TEKT1: variants seen among roughly 807,000 people sequenced by gnomAD.
The protein encoded by TEKT1 is tektin-1.
A neutral mutation model predicts 34.8 loss-of-function variants in TEKT1; 32 were observed. The ratio of observed to expected loss-of-function variants is 0.92; its 90% CI spans 0.69 to 1.23. The LOEUF (loss-of-function observed/expected upper bound fraction) is 1.23, where lower values mean the gene tolerates loss of function less well. TEKT1 is among the 50% of genes most tolerant of loss of function. TEKT1 has a pLI of 0.00. For missense variants in TEKT1, 492 were observed against 518.5 expected (o/e 0.95, Z 0.50); for synonymous variants, 207 against 199.8 (o/e 1.04, Z -0.30).
At chr17:6,809,429 G>C (rs182211240) in intron 6 of TEKT1, among the ~76,000 whole-genome samples, 1 of 151,950 alleles carries the variant, frequency 6.6e-6, no homozygotes, top group African/African-American at 2.4e-5. Context: ...ACAGGGTTTC[G>C]CTGTGTTGGC....
Position 6,800,795 on chromosome 17 carries a change from T to C in TEKT1, c.1001A>G (p.Gln334Arg). 2.5e-6 allele frequency: 4 copies of C among 1,614,174 alleles called. No homozygotes were observed. Among genetic ancestry groups the C allele is most frequent in the Non-Finnish European group, 3.4e-6 (4 of 1,180,028 alleles). Residue 334 changes from glutamine (Q) to arginine (R), a missense_variant, in exon 7 of 8, where the codon CAA (glutamine) becomes CGA (arginine). By Grantham distance (43) the Gln-to-Arg change is conservative. Transcript: ENST00000338694. Reference protein sequence around the residue: ...PNVELCRDVAQYRLMKEVQEI... With the variant: ...PNVELCRDVARYRLMKEVQEI... The stretch of plus-strand genomic sequence containing the variant: ...TTGAACCTCCTTCATTAGCCTATAT[T>C]GTGCGACATCACGACACAGCTCCAC...
chr17:6,805,939 T>G (rs949910476), intron 6 of TEKT1, among the ~76,000 whole-genome samples: 7 of 152,202 alleles, frequency 4.6e-5, no homozygotes, highest in Non-Finnish European at 1.0e-4. Context: ...AGAATGTATA[T>G]TCTGTTGATT....
At chr17:6,804,054 A>T (rs200365744) in intron 6 of TEKT1, among the ~76,000 whole-genome samples, 30 of 150,686 alleles carry the variant, frequency 2.0e-4, no homozygotes, top group African/African-American at 3.7e-4. Flanking sequence ...CTTGGGCAGT[A>T]TGGCCATTTT....
chr17:6,826,616 G>GAAGA (rs1904400834), intron 2 of TEKT1, among the ~76,000 whole-genome samples: 1 of 119,564 alleles, frequency 8.4e-6, no homozygotes, highest in Non-Finnish European at 1.7e-5. Context: ...ACTTAGATTT[G>GAAGA]CAGATAGATA....
chr17:6,826,840 C>T (rs1904418340), intron 2 of TEKT1, among the ~76,000 whole-genome samples: 2 of 151,842 alleles, frequency 1.3e-5, no homozygotes, highest in African/African-American at 2.4e-5. Flanking sequence ...GGACTACAGG[C>T]ACCCGCCACC....
At chr17:6,827,087 CAGAT>C (rs1229806948) in intron 2 of TEKT1, among the ~76,000 whole-genome samples, 3 of 152,098 alleles carry the variant, frequency 2.0e-5, no homozygotes, top group African/African-American at 7.2e-5. Flanking sequence ...TTGTCATACT[CAGAT>C]GAATGAATGT....
intron 3 of TEKT1, among the ~76,000 whole-genome samples, chr17:6,817,106 T>C (rs577577771): frequency 6.3e-4 from 96 of 152,334 alleles, no homozygotes; most frequent in African/African-American, 2.2e-3. Context: ...GTGGGCGCAG[T>C]GACTCACGCC....
At chr17:6,826,648 A>ATAGC (rs1904404980) in intron 2 of TEKT1, among the ~76,000 whole-genome samples, 1 of 151,714 alleles carries the variant, frequency 6.6e-6, no homozygotes, top group African/African-American at 2.4e-5. Context: ...AGATAGATAG[A>ATAGC]TAGATAGATA....
chr17:6,803,036 T>A (rs1040173416), intron 6 of TEKT1, among the ~76,000 whole-genome samples: 9 of 152,132 alleles, frequency 5.9e-5, no homozygotes, highest in Non-Finnish European at 1.2e-4. Context: ...ATCGCCACAC[T>A]GACTTCCACA....
In TEKT1 at chr17:6,819,372, G is replaced by A; in HGVS notation, c.191-14C>T. ...CGAGTCTCTGTTCTGAAGCACACGG[G>A]GAAGTTACACCAGGGCTAATCTATC... On this transcript the variant is annotated splice_polypyrimidine_tract_variant and intron_variant, in intron 2 of 7. Coordinates refer to ENST00000338694, the MANE Select transcript of TEKT1 (RefSeq NM_053285.2). 1 of 1,606,894 alleles carries A rather than the reference G, an allele frequency of 6.2e-7. No homozygotes were observed. Among genetic ancestry groups the A allele is most frequent in the Non-Finnish European group, 8.5e-7 (1 of 1,176,764 alleles).
At position 6,818,288 on chromosome 17, in the gene TEKT1, T is replaced by G. The variant is rs145277054; in HGVS notation, c.356+905A>C. On this transcript the variant is annotated intron_variant, in intron 3 of 7. Coordinates refer to ENST00000338694, the MANE Select transcript of TEKT1 (RefSeq NM_053285.2). ...TTGGAAAAGTTCACTCAACAGCCAG[T>G]GTGCAGGGTGCACTAGATTATAGGG... Among the ~76,000 whole-genome samples the G allele has an allele frequency of 5.0e-3, 768 of 152,298 alleles. 13 individuals are homozygous for G. The highest frequency in any genetic ancestry group is 0.016 in the African/African-American group (680 of 41,550).
At chr17:6,824,480 C>T (rs1357902011) in intron 2 of TEKT1, among the ~76,000 whole-genome samples, 1 of 152,194 alleles carries the variant, frequency 6.6e-6, no homozygotes, top group African/African-American at 2.4e-5. Flanking sequence ...AAATGTCCCA[C>T]TCATCCTGCC....
chr17:6,820,322 G>A (rs1977069555), intron 2 of TEKT1, among the ~76,000 whole-genome samples: 1 of 151,746 alleles, frequency 6.6e-6, no homozygotes, highest in African/African-American at 2.4e-5. Context: ...ATTAAAGGCA[G>A]ATTTATTAGT....
At chr17:6,822,917 T>C (rs1437523305) in intron 2 of TEKT1, among the ~76,000 whole-genome samples, 8 of 152,202 alleles carry the variant, frequency 5.3e-5, no homozygotes, top group African/African-American at 1.7e-4. Context: ...GAGTGATCAG[T>C]TGAGACCCTG....
At chr17:6,817,558 A>C (rs927035417) in intron 3 of TEKT1, among the ~76,000 whole-genome samples, 12 of 152,156 alleles carry the variant, frequency 7.9e-5, no homozygotes, top group Admixed American at 3.3e-4. Context: ...TTTCAGAGAG[A>C]CTAAGTGATC....
rs117538098 is a variant in TEKT1, at chr17:6,800,063, G to T, written c.1221C>A (p.Val407=). 22,255 of 1,612,026 alleles carry T rather than the reference G, an allele frequency of 0.014. 165 individuals are homozygous for T. The highest frequency in any genetic ancestry group is 0.016 in the Middle Eastern group (97 of 5,890). The part of the protein sequence containing the change: ...IPLRDGEDHG[V]WAGGLRPDAV... Reference sequence around the variant, plus strand: ...CATCAGGGCGGAGGCCCCCAGCCCAGACCCCATGGTCTTCCCCATCCCGAA... The same window carrying T: ...CATCAGGGCGGAGGCCCCCAGCCCATACCCCATGGTCTTCCCCATCCCGAA... Residue 407 remains valine (V), a synonymous_variant, in exon 8 of 8, where the codon GTC becomes GTA. Transcript: ENST00000338694.
intron 2 of TEKT1, among the ~76,000 whole-genome samples, chr17:6,829,607 C>T (rs1490083595): frequency 6.6e-6 from 1 of 151,628 alleles, no homozygotes; most frequent in Non-Finnish European, 1.5e-5. Context: ...CTCAGCCCTC[C>T]AAGTAGCTGG....
At position 6,830,221 on chromosome 17, in the gene TEKT1, T is replaced by C. The variant is rs1385105388; in HGVS notation, c.156A>G (p.Thr52=). The C allele has an allele frequency of 6.2e-7, 1 of 1,609,940 alleles. No homozygotes were observed. The highest frequency in any genetic ancestry group is 2.2e-5 in the East Asian group (1 of 44,848). Residue 52 remains threonine, a synonymous_variant, in exon 2 of 8, where the codon ACA becomes ACG. Coordinates refer to ENST00000338694, the MANE Select transcript of TEKT1 (RefSeq NM_053285.2). The part of the protein sequence containing the change: ...QRLVDEIEKT[T]RKSQSDVNKK... ...TGTTCACATCGCTTTGAGATTTTCT[T>C]GTGGTCTTTTCAATTTCATCCACAA...
chr17:6,808,893 G>C (rs1369953154), intron 6 of TEKT1, among the ~76,000 whole-genome samples: 1 of 152,080 alleles, frequency 6.6e-6, no homozygotes, highest in East Asian at 1.9e-4. Context: ...AACTACTACT[G>C]CTATGAGTGA....
Sources: gnomAD v4.1 joint callset for allele counts (sites outside exome capture counted in the v4.1 genomes callset) on GRCh38, gnomAD v4.1.1 for gene constraint, MANE v1.5 for transcripts, NCBI Gene and HGNC (gene_info 2026-07-23, HGNC 2026-07-21) for gene names.